ZNF410: variants seen among roughly 807,000 people sequenced by gnomAD.
ZNF410 encodes another partner for ARF 1.
A neutral mutation model predicts 54.8 loss-of-function variants in ZNF410; 18 were observed. That is an observed-to-expected ratio of 0.33 (90% confidence interval 0.23 to 0.49). The LOEUF is 0.49. Among genes scored for constraint, ZNF410 ranks in the 20% least tolerant of loss-of-function variants. The pLI is 0.99. For missense variants in ZNF410, 405 were observed against 569.6 expected, an observed-to-expected ratio of 0.71 and a Z score of 2.94; for synonymous variants, 191 against 207.3, an observed-to-expected ratio of 0.92 and a Z score of 0.68.
At chr14:73,921,926 G>A in intron 9 of ZNF410, 140 bp from the exon 10 acceptor site, 1 of 874,454 alleles carries the variant, frequency 1.1e-6, no homozygotes, top group Non-Finnish European at 1.8e-6. Context: ...TTTCTCGAAA[G>A]TAGGTGAAAT....
At chr14:73,897,946 T>A in intron 4 of ZNF410, 125 bp from the exon 5 acceptor site, 1 of 877,982 alleles carries the variant, frequency 1.1e-6, no homozygotes, top group South Asian at 1.8e-5. Context: ...CACTCCAGCC[T>A]GGGTGACAGA....
chr14:73,906,712 C>G (rs1339610390), intron 7 of ZNF410, among the ~76,000 whole-genome samples: 1 of 152,024 alleles, frequency 6.6e-6, no homozygotes, highest in East Asian at 1.9e-4. Flanking sequence ...TTCCTGACCT[C>G]AAGTGATCCG....
intron 8 of ZNF410, among the ~76,000 whole-genome samples, chr14:73,910,736 A>G (rs1210803333): frequency 2.7e-5 from 4 of 146,524 alleles, no homozygotes; most frequent in South Asian, 4.5e-4. Context: ...CTGGGCAACA[A>G]GAGCGAAACT....
rs1315659877 is a variant in ZNF410 at position 73,889,835 on chromosome 14, C to T, written c.-149-2192C>T. Reference sequence around the variant, plus strand: ...TTCTCGACACAGAGTCTTGCTCTGTCGCCCGGGCTGGAGTACAGTGGAGCG... The same window carrying T: ...TTCTCGACACAGAGTCTTGCTCTGTTGCCCGGGCTGGAGTACAGTGGAGCG... On this transcript the variant is annotated intron_variant, in intron 1 of 11. Coordinates refer to ENST00000555044, the MANE Select transcript of ZNF410 (RefSeq NM_021188.3). Among the ~76,000 whole-genome samples the T allele has an allele frequency of 4.7e-5, 7 of 149,558 alleles. No individual in the cohort carries two copies. In the East Asian group the frequency reaches 5.9e-4, roughly 13 times the overall value.
At chr14:73,892,454 TTATAAA>T (rs2055245509) in intron 2 of ZNF410, among the ~76,000 whole-genome samples, 1 of 151,636 alleles carries the variant, frequency 6.6e-6, no homozygotes, top group African/African-American at 2.4e-5. Context: ...TAATAAAATC[TTATAAA>T]TAAAAATATA....
rs1427731919 is a variant in ZNF410 at position 73,932,301 on chromosome 14, C to T, written c.*760C>T. The T allele has an allele frequency of 3.0e-6, 1 of 335,012 alleles. No homozygotes were observed. The highest frequency in any genetic ancestry group is 4.5e-5 in the Admixed American group (1 of 22,324). 20.8% of individuals were successfully genotyped at this position (335,012 alleles called of 1,614,324 possible). On this transcript the variant is annotated 3_prime_UTR_variant, in exon 12 of 12. Transcript: ENST00000555044. ...TCAGTTCTTTGGCTCTTGTTTTATA[C>T]AAAATTTGTTTTCTTAGAGATTAAG...
chr14:73,889,795 GT>G (rs36076151), intron 1 of ZNF410, among the ~76,000 whole-genome samples: 117 of 119,958 alleles, frequency 9.8e-4, no homozygotes, highest in African/African-American at 2.4e-3. Flanking sequence ...TAAATGGTTA[GT>G]TTTTTTTTTT....
intron 5 of ZNF410, among the ~76,000 whole-genome samples, chr14:73,903,103 ACTT>A (rs1443250399): frequency 2.0e-5 from 3 of 152,160 alleles, no homozygotes; most frequent in Non-Finnish European, 2.9e-5. Flanking sequence ...CAGAATGACT[ACTT>A]CTTCTTAAAA....
At chr14:73,891,944 G>T in intron 1 of ZNF410, 83 bp from the exon 2 acceptor site, 2 of 615,762 alleles carry the variant, frequency 3.2e-6, no homozygotes, top group Admixed American at 3.3e-5. Context: ...GATTTTTTTT[G>T]TATATGTAAA....
rs1160114854 is a variant in ZNF410 at position 73,898,525 on chromosome 14, G to A, written c.580+263G>A. On this transcript the variant is annotated intron_variant, in intron 5 of 11. Coordinates refer to ENST00000555044, the MANE Select transcript of ZNF410 (RefSeq NM_021188.3). The stretch of plus-strand genomic sequence containing the variant: ...AAAGAAAAAATAATATACATCCTGG[G>A]GTTTGAATTGTTTTTATTGTAATGT... The A allele has an allele frequency of 9.6e-6, 5 of 520,372 alleles. No homozygotes were observed. The African/African-American group carries it at 9.7e-5, about 10-fold the overall frequency. The allele number at this position is 520,372 out of a possible 1,614,324, so 32.2% of individuals were successfully genotyped here.
intron 8 of ZNF410, among the ~76,000 whole-genome samples, chr14:73,919,176 T>G (rs1317601098): frequency 6.6e-6 from 1 of 151,358 alleles, no homozygotes; most frequent in African/African-American, 2.4e-5. Flanking sequence ...TAGCTAATTT[T>G]TGTAGAGATG....
intron 4 of ZNF410, among the ~76,000 whole-genome samples, chr14:73,897,397 C>T (rs1186905744): frequency 6.6e-6 from 1 of 152,064 alleles, no homozygotes; most frequent in Non-Finnish European, 1.5e-5. Flanking sequence ...TGAGTTAGGA[C>T]ATATTTAAAG....
At position 73,896,426 on chromosome 14, in the gene ZNF410, G is replaced by T. The variant is rs1456413249; in HGVS notation, c.280G>T (p.Val94Leu). The T allele has an allele frequency of 6.2e-7, 1 of 1,614,216 alleles. No homozygotes were observed. Among genetic ancestry groups the T allele is most frequent in the South Asian group, 1.1e-5 (1 of 91,084 alleles). ...CGGAGAGGAGACGAGAGCTCAGACT[G>T]TACAGAAATCCCCGGAGTTTTTGTC... The part of the protein sequence containing the change: ...PDGEETRAQT[V>L]QKSPEFLSTS... The change falls in exon 4 of 12, where the codon GTA becomes TTA. Residue 94 changes from valine (V) to leucine (L), a missense_variant. Physicochemically the swap from Val to Leu is conservative, Grantham distance 32. Around this residue, in one of 3 missense-constraint regions of ZNF410, gnomAD observed 247 missense variants for 342.8 expected, o/e 0.72. Transcript: ENST00000555044.
intron 1 of ZNF410, among the ~76,000 whole-genome samples, chr14:73,891,000 C>T (rs555125100): frequency 9.3e-4 from 141 of 152,194 alleles, no homozygotes; most frequent in African/African-American, 3.2e-3. Flanking sequence ...AAGAGCAAAA[C>T]TCCATCTCTA....
intron 1 of ZNF410, 121 bp downstream of exon 1, chr14:73,887,036 C>T (rs1285299423): frequency 1.3e-5 from 2 of 152,882 alleles, no homozygotes; most frequent in Non-Finnish European, 2.9e-5. Context: ...AAACCGCCCT[C>T]CTTGGGCATC....
chr14:73,923,267 G>T, intron 10 of ZNF410, 128 bp from the exon 11 acceptor site: 1 of 1,091,822 alleles, frequency 9.2e-7, no homozygotes. Flanking sequence ...GGATTAACTT[G>T]GAAGAAATAG....
intron 11 of ZNF410, among the ~76,000 whole-genome samples, chr14:73,926,058 T>C (rs1266468653): frequency 6.6e-6 from 1 of 152,094 alleles, no homozygotes; most frequent in East Asian, 1.9e-4. Context: ...CAATTAACTT[T>C]ATACTGTTCT....
At chr14:73,924,050 G>A (rs2055793313) in intron 11 of ZNF410, among the ~76,000 whole-genome samples, 1 of 152,120 alleles carries the variant, frequency 6.6e-6, no homozygotes, top group Admixed American at 6.6e-5. Context: ...ATTCTGCTAT[G>A]GTCATATGTC....
At chr14:73,910,374 A>C (rs554351274) in intron 8 of ZNF410, among the ~76,000 whole-genome samples, 1 of 152,218 alleles carries the variant, frequency 6.6e-6, no homozygotes, top group South Asian at 2.1e-4. Flanking sequence ...CAACTCCACA[A>C]ATGATTGGCT....
Sources: gnomAD v4.1 joint callset for allele counts (sites outside exome capture counted in the v4.1 genomes callset) on GRCh38, gnomAD v4.1.1 for gene constraint, gnomAD v4.1.1 regional missense constraint, MANE v1.5 for transcripts, NCBI Gene and HGNC (gene_info 2026-07-23, HGNC 2026-07-21) for gene names.